The following MTHFD1L variants were observed in gnomAD, a reference collection of about 807,000 sequenced individuals.
MTHFD1L encodes the protein monofunctional C1-tetrahydrofolate synthase, mitochondrial.
MTHFD1L carries 81 observed loss-of-function variants against 119.5 expected under a neutral mutation model. The ratio of observed to expected loss-of-function variants is 0.68; its 90% CI spans 0.57 to 0.82. MTHFD1L has a LOEUF of 0.82. MTHFD1L is among the 40% of genes least tolerant of loss of function. MTHFD1L has a pLI of 0.00. For synonymous variants in MTHFD1L, 430 were observed against 475.2 expected (o/e 0.90, Z 1.24); for missense variants, 1,125 against 1,253.4 (o/e 0.90, Z 1.55).
intron 20 of MTHFD1L, among the ~76,000 whole-genome samples, chr6:151,007,784 AAG>A (rs1781613299): frequency 1.3e-5 from 2 of 152,226 alleles, no homozygotes; most frequent in Non-Finnish European, 2.9e-5. Context: ...CCACTGAGGT[AAG>A]GATTGTTACT....
chr6:150,901,857 T>A (rs77844353), intron 7 of MTHFD1L, among the ~76,000 whole-genome samples: 1 of 152,334 alleles, frequency 6.6e-6, no homozygotes, highest in Admixed American at 6.5e-5. Context: ...CTGACCCTCA[T>A]GAGGAATTTA....
In MTHFD1L at chr6:150,975,060, C is replaced by T. The variant is rs190590822; in HGVS notation, c.2125+3002C>T. ...GCTAGAATTCTCTTCCTTTTTAAGG[C>T]GGAATAATATTCCATCGTATGGATA... On this transcript the variant is annotated intron_variant, in intron 20 of 27. Coordinates refer to ENST00000367321, the MANE Select transcript of MTHFD1L (RefSeq NM_015440.5). 1.6e-3 allele frequency among the ~76,000 whole-genome samples: 242 copies of T among 152,254 alleles called. 2 individuals are homozygous for T. Among genetic ancestry groups the T allele is most frequent in the African/African-American group, 4.8e-3 (201 of 41,552 alleles).
intron 24 of MTHFD1L, among the ~76,000 whole-genome samples, chr6:151,021,024 G>A (rs1001735505): frequency 1.3e-5 from 2 of 152,214 alleles, no homozygotes; most frequent in African/African-American, 4.8e-5. Context: ...CGCTTGATAG[G>A]AGAAGGAACA....
Position 150,867,333 on chromosome 6 carries a change from A to G in MTHFD1L, c.227+1284A>G, listed in dbSNP as rs566835571. Among the ~76,000 whole-genome samples the G allele has an allele frequency of 2.0e-5, 3 of 152,248 alleles. No homozygotes were observed. In the East Asian group the frequency reaches 5.8e-4, roughly 29 times the overall value. ...TAGCCTCCAGTGTAACTGGGACCACAGGTGTGCGCTACCATGCCCGGATTA... is the reference window on the plus strand; with the variant it reads ...TAGCCTCCAGTGTAACTGGGACCACGGGTGTGCGCTACCATGCCCGGATTA... On this transcript the variant is annotated intron_variant, in intron 1 of 27. Coordinates refer to ENST00000367321, the MANE Select transcript of MTHFD1L (RefSeq NM_015440.5).
chr6:150,965,062 A>C, intron 19 of MTHFD1L, 25 bp downstream of exon 19: 3 of 1,602,044 alleles, frequency 1.9e-6, no homozygotes, highest in Non-Finnish European at 2.6e-6. Context: ...TCTTATAGTA[A>C]TTGTTTGCAT....
intron 16 of MTHFD1L, among the ~76,000 whole-genome samples, chr6:150,953,285 CAT>C (rs1271555930): frequency 6.6e-6 from 1 of 152,224 alleles, no homozygotes; most frequent in African/African-American, 2.4e-5. Context: ...TTCCTTAGGA[CAT>C]AGTCAGCACT....
chr6:150,934,822 C>A (rs1056859664), intron 11 of MTHFD1L: 5 of 1,004,280 alleles, frequency 5.0e-6, no homozygotes, highest in African/African-American at 3.3e-5. Flanking sequence ...GGTGCTTATC[C>A]CTCGTAGAAA....
intron 8 of MTHFD1L, among the ~76,000 whole-genome samples, chr6:150,911,508 C>T (rs1322666335): frequency 6.6e-6 from 1 of 152,134 alleles, no homozygotes; most frequent in African/African-American, 2.4e-5. Context: ...TTGTCTCACA[C>T]TTCCACGGAC....
intron 19 of MTHFD1L, among the ~76,000 whole-genome samples, chr6:150,969,893 A>G (rs1797783886): frequency 6.6e-6 from 1 of 152,246 alleles, no homozygotes; most frequent in South Asian, 2.1e-4. Flanking sequence ...TTACTTTAAA[A>G]GATATGGACC....
intron 20 of MTHFD1L, among the ~76,000 whole-genome samples, 196 bp from the exon 21 acceptor site, chr6:151,009,622 GA>G (rs1781939442): frequency 6.6e-6 from 1 of 152,166 alleles, no homozygotes; most frequent in Non-Finnish European, 1.5e-5. Flanking sequence ...CTGGCGGTGG[GA>G]AGCAGAGGAG....
intron 8 of MTHFD1L, among the ~76,000 whole-genome samples, chr6:150,915,296 T>C (rs118171537): frequency 0.026 from 3,904 of 152,236 alleles, 65 homozygotes; most frequent in Non-Finnish European, 0.037. Context: ...ATAGTGTTAG[T>C]GTATTTTATG....
At chr6:151,060,902 G>GA (rs1248512518) in intron 26 of MTHFD1L, among the ~76,000 whole-genome samples, 1 of 152,164 alleles carries the variant, frequency 6.6e-6, no homozygotes, top group African/African-American at 2.4e-5. Flanking sequence ...GGAAAACGGA[G>GA]AAATTAGTCA....
chr6:150,958,404 G>A (rs1338008517), intron 17 of MTHFD1L, among the ~76,000 whole-genome samples: 1 of 152,096 alleles, frequency 6.6e-6, no homozygotes, highest in Non-Finnish European at 1.5e-5. Flanking sequence ...ACATATATTT[G>A]TGTGTATACT....
intron 19 of MTHFD1L, among the ~76,000 whole-genome samples, chr6:150,966,909 G>C (rs1797292040): frequency 6.6e-6 from 1 of 152,184 alleles, no homozygotes; most frequent in Non-Finnish European, 1.5e-5. Context: ...CCCCTGAGCT[G>C]AGGAAGGGAG....
chr6:150,935,554 A>G, intron 11 of MTHFD1L: 5 of 1,501,454 alleles, frequency 3.3e-6, no homozygotes, highest in Non-Finnish European at 4.5e-6. Flanking sequence ...GGCAACAGAA[A>G]AAGAAAAGAT....
chr6:151,077,195 G>A (rs1245091173), intron 26 of MTHFD1L, among the ~76,000 whole-genome samples: 2 of 151,830 alleles, frequency 1.3e-5, no homozygotes, highest in Non-Finnish European at 2.9e-5. Context: ...AAATCAAAAG[G>A]GTCAGCAAAA....
At chr6:150,929,045 C>T (rs1023103798) in intron 11 of MTHFD1L, among the ~76,000 whole-genome samples, 3 of 152,142 alleles carry the variant, frequency 2.0e-5, no homozygotes, top group Admixed American at 1.3e-4. Context: ...TCCCCATAAT[C>T]GAGTGTGGGA....
rs978354533 is a variant in MTHFD1L at position 150,866,585 on chromosome 6, C to T, written c.227+536C>T. 1.6e-5 allele frequency: 20 copies of T among 1,226,782 alleles called. No homozygotes were observed. In the Admixed American group the frequency reaches 8.2e-4, roughly 50 times the overall value. The allele number at this position is 1,226,782 out of a possible 1,614,324, so 76.0% of individuals were successfully genotyped here. ...CGCCCTTCCCCGCGCGCGGCCCCTC[C>T]TGCTGGGCTGGGGTCTGTGGCTGAC... On this transcript the variant is annotated intron_variant, in intron 1 of 27. Coordinates refer to ENST00000367321, the MANE Select transcript of MTHFD1L (RefSeq NM_015440.5).
At chr6:151,036,474 T>C (rs1786181506) in intron 25 of MTHFD1L, among the ~76,000 whole-genome samples, 1 of 152,192 alleles carries the variant, frequency 6.6e-6, no homozygotes. Flanking sequence ...TGACCTCATC[T>C]TAGTTCTTAT....
Sources: allele counts gnomAD v4.1 joint callset (sites outside exome capture counted in the v4.1 genomes callset), GRCh38; gene constraint gnomAD v4.1.1; transcripts MANE v1.5; gene names NCBI Gene and HGNC (gene_info 2026-07-23, HGNC 2026-07-21).